LAMA5: variants seen among roughly 807,000 people sequenced by gnomAD.
LAMA5 encodes the protein laminin subunit alpha-5.
A neutral mutation model predicts 433.4 loss-of-function variants in LAMA5; 260 were observed. The ratio of observed to expected loss-of-function variants is 0.60; its 90% CI spans 0.54 to 0.66. LAMA5 has a LOEUF of 0.66. Ranked by LOEUF, LAMA5 falls within the 30% of genes least tolerant of loss-of-function variation. The pLI, the probability that LAMA5 is intolerant of heterozygous loss-of-function variation, is 0.00. For synonymous variants in LAMA5, 2,620 were observed against 2,226.6 expected, an observed-to-expected ratio of 1.18 and a Z score of -4.97; for missense variants, 5,378 against 5,258.5, an observed-to-expected ratio of 1.02 and a Z score of -0.70.
chr20:62,312,378 CA>C, intron 68 of LAMA5, 21 bp downstream of exon 68: 1 of 1,599,808 alleles, frequency 6.3e-7, no homozygotes, highest in Non-Finnish European at 8.5e-7. Flanking sequence ...ATGCCACCCC[CA>C]GCCCGGGGAG....
Position 62,320,642 on chromosome 20 carries a change from G to C in LAMA5, c.6676C>G (p.Arg2226Gly). 6.2e-7 allele frequency: 1 copy of C among 1,605,560 alleles called. No homozygotes were observed. Residue 2226 changes from arginine (R) to glycine (G), a missense_variant, in exon 50 of 80, where the codon CGC becomes GGC. Physicochemically the swap from Arg to Gly is moderately radical, Grantham distance 125 (BLOSUM62 -2). Coordinates refer to ENST00000252999, the MANE Select transcript of LAMA5 (RefSeq NM_005560.6). ...QSQLRSPLGP[R>G]HETAQQLEVL... ...TCCAGCTGCTGTGCCGTCTCATGGC[G>C]GGGGCCCAGGGGGCTCCGGAGCTGG...
In LAMA5 at chr20:62,347,037, T is replaced by G. The variant is rs1601396849; in HGVS notation, c.957-9A>C. The G allele has an allele frequency of 6.2e-7, 1 of 1,603,944 alleles. No individual in the cohort carries two copies. Among genetic ancestry groups the G allele is most frequent in the Non-Finnish European group, 8.5e-7 (1 of 1,174,224 alleles). On this transcript the variant is annotated splice_polypyrimidine_tract_variant and intron_variant, in intron 6 of 79. Transcript: ENST00000252999. ...GGCAGGTGCACTGCAGCCTGTGGGGTACACAGGAGGGGGGATCAGGCCCAT... is the reference window on the plus strand; with the variant it reads ...GGCAGGTGCACTGCAGCCTGTGGGGGACACAGGAGGGGGGATCAGGCCCAT...
chr20:62,341,814 G>A (rs938423768), intron 11 of LAMA5, among the ~76,000 whole-genome samples: 1 of 141,054 alleles, frequency 7.1e-6, no homozygotes, highest in East Asian at 2.0e-4. Context: ...ACCTCTGTTA[G>A]GTCTGATCAA....
At chr20:62,309,938 T>A (rs1032474995) in intron 78 of LAMA5, 50 bp downstream of exon 78, 4 of 1,605,712 alleles carry the variant, frequency 2.5e-6, no homozygotes, top group Non-Finnish European at 3.4e-6. Context: ...GCTCCCGCTC[T>A]GCAGAAGGGT....
chr20:62,338,793 C>G (rs1338833888), intron 11 of LAMA5, among the ~76,000 whole-genome samples, 185 bp from the exon 12 acceptor site: 2 of 152,184 alleles, frequency 1.3e-5, no homozygotes, highest in African/African-American at 2.4e-5. Flanking sequence ...AATCCCAGCA[C>G]TTTGGGAGGC....
chr20:62,314,097 G>A lies in LAMA5; in HGVS notation c.8504+207C>T, dbSNP rs1986656826. Among the ~76,000 whole-genome samples, 8 of 5,732 alleles carry A rather than the reference G, an allele frequency of 1.4e-3. 1 individual carries two copies. The South Asian group carries it at 0.11, about 80-fold the overall frequency. 3.8% of individuals were successfully genotyped at this position (5,732 alleles called of 152,430 possible). A position where few individuals can be genotyped will look rare whatever the true frequency, so the allele number is the denominator to read the frequency against. Reference sequence around the variant, plus strand: ...CACAGAGACGAGGGGTGGCGAGTGGGCACAGACGGGTGGCGAGTGGGCACA... The same window carrying A: ...CACAGAGACGAGGGGTGGCGAGTGGACACAGACGGGTGGCGAGTGGGCACA... On this transcript the variant is annotated intron_variant, in intron 62 of 79. Transcript: ENST00000252999.
rs148454178 is a variant in LAMA5, at chr20:62,324,652, C to G, written c.5530-98G>C. On this transcript the variant is annotated intron_variant, in intron 41 of 79. Transcript: ENST00000252999. The surrounding 1 kb of genome is among the most constrained non-coding windows in gnomAD (Gnocchi z 4.4). ...CAGACCCTCAGGGATCCTGCAGGCA[C>G]GAGGCACTGGGAACCCGTGGAGCAT... 1 of 767,844 alleles carries G rather than the reference C, an allele frequency of 1.3e-6. No homozygotes were observed. The highest frequency in any genetic ancestry group is 1.7e-5 in the African/African-American group (1 of 58,382). 47.6% of individuals were successfully genotyped at this position (767,844 alleles called of 1,614,324 possible). A position where few individuals can be genotyped will look rare whatever the true frequency, so the allele number is the denominator to read the frequency against.
rs763023466 is a variant in LAMA5 at position 62,310,213 on chromosome 20, G to A, written c.10699C>T (p.Pro3567Ser). Reference protein sequence around the residue: ...LIFHLGQARTPPYLQLQVTEK... With the variant: ...LIFHLGQARTSPYLQLQVTEK... ...GTCACCTGCAACTGCAAGTAGGGGG[G>A]CGTCCGGGCCTGGCCCAAGTGGAAG... The change falls in exon 77 of 80, where the codon CCC (proline) becomes TCC (serine). Residue 3567 changes from proline to serine, a missense_variant. By Grantham distance (74) the Pro-to-Ser change is moderately conservative (BLOSUM62 -1). Coordinates refer to ENST00000252999, the MANE Select transcript of LAMA5 (RefSeq NM_005560.6). 2 of 1,612,606 alleles carry A rather than the reference G, an allele frequency of 1.2e-6. No individual in the cohort carries two copies. Among genetic ancestry groups the A allele is most frequent in the East Asian group, 2.2e-5 (1 of 44,876 alleles).
In LAMA5 at chr20:62,362,513, T is replaced by C. The variant is rs1292149769; in HGVS notation, c.337A>G (p.Lys113Glu). The C allele has an allele frequency of 1.2e-6, 2 of 1,601,724 alleles. No homozygotes were observed. The highest frequency in any genetic ancestry group is 8.5e-7 in the Non-Finnish European group (1 of 1,173,430). ...CDICTAANSN[K>E]AHPASNAIDG... Reference sequence around the variant, plus strand: ...ATGGCATTGCTCGCGGGGTGTGCCTTGTTGCTGTTGGCAGCCGTGCAGATG... The same window carrying C: ...ATGGCATTGCTCGCGGGGTGTGCCTCGTTGCTGTTGGCAGCCGTGCAGATG... The change falls in exon 2 of 80, where the codon AAG becomes GAG. Residue 113 changes from lysine (K) to glutamate (E), a missense_variant. Coordinates refer to ENST00000252999, the MANE Select transcript of LAMA5 (RefSeq NM_005560.6).
chr20:62,362,380 A>G lies in LAMA5; in HGVS notation c.450+20T>C. Reference sequence around the variant, plus strand: ...CAGACACAGAGATGGGGGCTGCAGCACGCAAAGAAGGGTCCCTACCTGGCC... The same window carrying G: ...CAGACACAGAGATGGGGGCTGCAGCGCGCAAAGAAGGGTCCCTACCTGGCC... On this transcript the variant is annotated intron_variant, in intron 2 of 79. Coordinates refer to ENST00000252999, the MANE Select transcript of LAMA5 (RefSeq NM_005560.6). 6.7e-7 allele frequency: 1 copy of G among 1,482,380 alleles called. No homozygotes were observed. Among genetic ancestry groups the G allele is most frequent in the Non-Finnish European group, 9.0e-7 (1 of 1,107,896 alleles). The allele number at this position is 1,482,380 out of a possible 1,614,324, so 91.8% of individuals were successfully genotyped here. A position where few individuals can be genotyped will look rare whatever the true frequency, so the allele number is the denominator to read the frequency against.
intron 11 of LAMA5, among the ~76,000 whole-genome samples, chr20:62,345,188 A>G (rs899876680): frequency 1.3e-5 from 2 of 151,592 alleles, no homozygotes; most frequent in Non-Finnish European, 2.9e-5. Flanking sequence ...CAGCTAGTAG[A>G]GACGGGGTTT....
chr20:62,349,626 G>A (rs1983887756), intron 6 of LAMA5, among the ~76,000 whole-genome samples: 1 of 92,370 alleles, frequency 1.1e-5, no homozygotes, highest in African/African-American at 4.0e-5. Flanking sequence ...TTTCAGGAAG[G>A]AGGAAGCAGC....
intron 18 of LAMA5, among the ~76,000 whole-genome samples, chr20:62,335,871 CCAACA>C (rs1981517461): frequency 6.7e-6 from 1 of 148,668 alleles, no homozygotes. Context: ...CCCCTGCACC[CCAACA>C]TTCCCTCCAG....
At position 62,312,215 on chromosome 20, in the gene LAMA5, G is replaced by A; in HGVS notation, c.9462C>T (p.His3154=). 6.2e-7 allele frequency: 1 copy of A among 1,610,566 alleles called. No individual in the cohort carries two copies. The highest frequency in any genetic ancestry group is 1.1e-5 in the South Asian group (1 of 90,800). Residue 3154 remains histidine (H), a synonymous_variant, in exon 69 of 80, where the codon CAC becomes CAT. Coordinates refer to ENST00000252999, the MANE Select transcript of LAMA5 (RefSeq NM_005560.6). ...TGNVYSGFGF[H]SAQDSALLYY... ...AGAGCAGGGCACTGTCCTGGGCGCT[G>A]TGGAAGCCGAAGCCGGAGTAGACGT...
intron 58 of LAMA5, 110 bp downstream of exon 58, chr20:62,315,838 G>A (rs2146069146): frequency 1.2e-6 from 1 of 811,430 alleles, no homozygotes; most frequent in Non-Finnish European, 2.0e-6. Context: ...CCCACTGTGG[G>A]GGTCTCTTCC....
chr20:62,318,755 C>T, intron 52 of LAMA5, 88 bp downstream of exon 52: 1 of 1,573,114 alleles, frequency 6.4e-7, no homozygotes, highest in South Asian at 1.1e-5. Flanking sequence ...GTGATGCCCA[C>T]CTGATGCCAC....
At chr20:62,353,075 G>A in intron 3 of LAMA5, 59 bp downstream of exon 3, 1 of 1,257,352 alleles carries the variant, frequency 8.0e-7, no homozygotes, top group Non-Finnish European at 1.1e-6. Context: ...TGGTCACGGA[G>A]GGCCTGCCCA....
chr20:62,317,043 C>A lies in LAMA5; in HGVS notation c.7512-20G>T. On this transcript the variant is annotated intron_variant, in intron 55 of 79. Transcript: ENST00000252999. Reference sequence around the variant, plus strand: ...ATGATGCTGCAGCGGAAGGGAGGGTCGAAGGAGTGGGTAAGCGCAGACGCC... The same window carrying A: ...ATGATGCTGCAGCGGAAGGGAGGGTAGAAGGAGTGGGTAAGCGCAGACGCC... The A allele has an allele frequency of 6.6e-7, 1 of 1,514,856 alleles. No individual in the cohort carries two copies. The highest frequency in any genetic ancestry group is 8.8e-7 in the Non-Finnish European group (1 of 1,130,454). 93.8% of individuals were successfully genotyped at this position (1,514,856 alleles called of 1,614,324 possible). A position where few individuals can be genotyped will look rare whatever the true frequency, so the allele number is the denominator to read the frequency against.
intron 1 of LAMA5, 105 bp downstream of exon 1, chr20:62,366,844 C>G (rs1445767887): frequency 1.6e-6 from 2 of 1,224,008 alleles, no homozygotes; most frequent in Non-Finnish European, 2.0e-6. Context: ...CCAGAGAGTC[C>G]GCACCTGGAC....
Sources: allele counts gnomAD v4.1 joint callset (sites outside exome capture counted in the v4.1 genomes callset), GRCh38; gene constraint gnomAD v4.1.1; non-coding constraint Gnocchi (gnomAD v3.1); transcripts MANE v1.5; gene names NCBI Gene and HGNC (gene_info 2026-07-23, HGNC 2026-07-21).